CPNE5: variants seen among roughly 807,000 people sequenced by gnomAD.
CPNE5 encodes copine 5, also known as copine-5.
In CPNE5, 42 loss-of-function variants were observed where a neutral mutation model predicts 81.1. The observed-to-expected ratio is 0.52, with a 90% CI of 0.40 to 0.67. CPNE5 has a LOEUF of 0.67. Among genes scored for constraint, CPNE5 ranks in the 30% least tolerant of loss-of-function variants. The pLI, the probability that CPNE5 is intolerant of heterozygous loss-of-function variation, is 0.00. For missense variants in CPNE5, 612 were observed against 815.5 expected, an observed-to-expected ratio of 0.75 and a Z score of 3.04; for synonymous variants, 313 against 321.5, an observed-to-expected ratio of 0.97 and a Z score of 0.28.
chr6:36,814,650 C>A (rs553637248), intron 3 of CPNE5, among the ~76,000 whole-genome samples: 3 of 152,108 alleles, frequency 2.0e-5, no homozygotes, highest in Non-Finnish European at 4.4e-5. Flanking sequence ...CTAAGGCAAG[C>A]CCCTGTGTGG....
At chr6:36,835,052 C>T (rs940992517) in intron 1 of CPNE5, among the ~76,000 whole-genome samples, 1 of 152,206 alleles carries the variant, frequency 6.6e-6, no homozygotes, top group Non-Finnish European at 1.5e-5. Context: ...TGCCCACCAG[C>T]CCCATACCAG....
chr6:36,778,638 A>G (rs1767755854), intron 9 of CPNE5, among the ~76,000 whole-genome samples: 1 of 152,094 alleles, frequency 6.6e-6, no homozygotes, highest in African/African-American at 2.4e-5. Context: ...GAATGGCACC[A>G]CCAGCTTAGA....
intron 8 of CPNE5, among the ~76,000 whole-genome samples, chr6:36,783,958 C>T (rs562213181): frequency 6.6e-6 from 1 of 152,306 alleles, no homozygotes; most frequent in East Asian, 1.9e-4. Context: ...AAATGATGAC[C>T]TCAAGTCATC....
chr6:36,815,139 C>T (rs1367274258), intron 3 of CPNE5, among the ~76,000 whole-genome samples: 1 of 141,986 alleles, frequency 7.0e-6, no homozygotes, highest in Admixed American at 7.2e-5. Flanking sequence ...GCCTGGGCGA[C>T]ATAGCAAGAC....
intron 13 of CPNE5, chr6:36,755,926 C>T (rs921510819): frequency 1.3e-4 from 52 of 415,018 alleles, no homozygotes; most frequent in Non-Finnish European, 1.8e-4. Flanking sequence ...TGAAAAGCAC[C>T]AACGTGGGGA....
intron 13 of CPNE5, 29 bp downstream of exon 13, chr6:36,756,216 C>A (rs372979504): frequency 1.2e-6 from 2 of 1,606,216 alleles, no homozygotes; most frequent in East Asian, 2.2e-5. Flanking sequence ...TGTCTACACC[C>A]GGCTGCAGAG....
intron 12 of CPNE5, chr6:36,757,317 C>A: frequency 2.0e-6 from 2 of 985,430 alleles, no homozygotes; most frequent in Non-Finnish European, 2.4e-6. Flanking sequence ...CTGGTGAACT[C>A]ATTTCCCCTT....
chr6:36,821,354 T>C (rs1772033277), intron 3 of CPNE5, among the ~76,000 whole-genome samples: 1 of 151,984 alleles, frequency 6.6e-6, no homozygotes, highest in Non-Finnish European at 1.5e-5. Context: ...TTTTGCACGA[T>C]GGGAGCCACA....
chr6:36,758,985 AGG>A (rs969130584), intron 12 of CPNE5, among the ~76,000 whole-genome samples: 1 of 152,214 alleles, frequency 6.6e-6, no homozygotes, highest in Non-Finnish European at 1.5e-5. Context: ...TGTTAAGATG[AGG>A]GCAAAATGGC....
chr6:36,791,504 C>T (rs1381844144), intron 8 of CPNE5, among the ~76,000 whole-genome samples: 2 of 152,160 alleles, frequency 1.3e-5, no homozygotes, highest in Non-Finnish European at 2.9e-5. Context: ...CCTGCTCCCC[C>T]ACAGTCCTAC....
intron 12 of CPNE5, among the ~76,000 whole-genome samples, chr6:36,758,415 A>AT (rs72371807): frequency 0.014 from 2,016 of 140,176 alleles, 40 homozygotes; most frequent in African/African-American, 0.04. Context: ...ATGTCTGGCT[A>AT]TTTTTTTTTT....
intron 12 of CPNE5, among the ~76,000 whole-genome samples, chr6:36,761,933 G>A (rs1452615656): frequency 1.3e-5 from 2 of 152,116 alleles, no homozygotes; most frequent in African/African-American, 4.8e-5. Context: ...AGCTAGATTT[G>A]GAAGGTGGGG....
intron 3 of CPNE5, among the ~76,000 whole-genome samples, chr6:36,802,035 A>G (rs1453433519): frequency 1.3e-5 from 2 of 152,178 alleles, no homozygotes; most frequent in East Asian, 3.9e-4. Context: ...CCTGGCCAAC[A>G]TGGTGAAACC....
intron 8 of CPNE5, among the ~76,000 whole-genome samples, chr6:36,790,190 A>C (rs1351352650): frequency 2.0e-5 from 3 of 152,218 alleles, no homozygotes; most frequent in African/African-American, 7.2e-5. Flanking sequence ...AATTCATCAG[A>C]TGTTATAACA....
At chr6:36,784,749 C>T (rs1256739742) in intron 8 of CPNE5, among the ~76,000 whole-genome samples, 2 of 152,084 alleles carry the variant, frequency 1.3e-5, no homozygotes, top group African/African-American at 4.8e-5. Context: ...CGAGACCAGC[C>T]TGGACAACAT....
At chr6:36,803,333 C>A (rs1464721440) in intron 3 of CPNE5, among the ~76,000 whole-genome samples, 2 of 152,142 alleles carry the variant, frequency 1.3e-5, no homozygotes, top group Non-Finnish European at 2.9e-5. Context: ...CAACTCCCCA[C>A]CCCTCCTGTG....
Position 36,746,523 on chromosome 6 carries a change from G to A in CPNE5, c.1073C>T (p.Ala358Val). The A allele has an allele frequency of 6.2e-7, 1 of 1,613,794 alleles. No homozygotes were observed. The highest frequency in any genetic ancestry group is 8.5e-7 in the Non-Finnish European group (1 of 1,179,770). The part of the protein sequence containing the change: ...LHYMSPYQLN[A>V]YALALTAVGE... ...GACGGCAGTCAGCGCCAGCGCGTAG[G>A]CGTTCAGCTGGTAGGGGCTCATGTA... Residue 358 changes from alanine (A) to valine (V), a missense_variant, in exon 16 of 21, where the codon GCC (alanine) becomes GTC (valine). By Grantham distance (64) the Ala-to-Val change is moderately conservative. Coordinates refer to ENST00000244751, the MANE Select transcript of CPNE5 (RefSeq NM_020939.2). This position sits in a 1 kb window ranked among gnomAD's most constrained non-coding sequence, Gnocchi z 4.5.
rs1295270208 is a variant in CPNE5 at position 36,746,823 on chromosome 6, C to A, written c.1019-246G>T. On this transcript the variant is annotated intron_variant, in intron 15 of 20. Coordinates refer to ENST00000244751, the MANE Select transcript of CPNE5 (RefSeq NM_020939.2). The surrounding 1 kb of genome is among the most constrained non-coding windows in gnomAD (Gnocchi z 4.5). ...CAGCAGTCTCCTAACTGATCTCCCACTTCCTTCTGCCCCTGTGCCTCCAGC... is the reference window on the plus strand; with the variant it reads ...CAGCAGTCTCCTAACTGATCTCCCAATTCCTTCTGCCCCTGTGCCTCCAGC... 1.3e-5 allele frequency among the ~76,000 whole-genome samples: 2 copies of A among 152,150 alleles called. No homozygotes were observed. Among genetic ancestry groups the A allele is most frequent in the Non-Finnish European group, 2.9e-5 (2 of 68,018 alleles).
intron 9 of CPNE5, among the ~76,000 whole-genome samples, chr6:36,775,812 A>G (rs1767448919): frequency 6.6e-6 from 1 of 152,116 alleles, no homozygotes; most frequent in Admixed American, 6.5e-5. Context: ...TCATAAAAGC[A>G]AGGATTTTTG....
Sources: allele counts gnomAD v4.1 joint callset (sites outside exome capture counted in the v4.1 genomes callset), GRCh38; gene constraint gnomAD v4.1.1; non-coding constraint Gnocchi (gnomAD v3.1); transcripts MANE v1.5; gene names NCBI Gene and HGNC (gene_info 2026-07-23, HGNC 2026-07-21).